The following IMMP2L variants were observed in gnomAD, a reference collection of about 807,000 sequenced individuals.
IMMP2L encodes inner mitochondrial membrane peptidase subunit 2, also known as mitochondrial inner membrane protease subunit 2.
IMMP2L carries 18 observed loss-of-function variants against 19.3 expected under a neutral mutation model. The observed-to-expected ratio is 0.93, with a 90% CI of 0.64 to 1.38. The LOEUF is 1.38. IMMP2L is among the 40% of genes most tolerant of loss of function. The probability of loss-of-function intolerance (pLI) is 0.00; values close to 1 mark genes in which losing one functional copy is unlikely to be tolerated. For synonymous variants in IMMP2L, 76 were observed against 73.0 expected (o/e 1.04, Z -0.21); for missense variants, 233 against 218.2 (o/e 1.07, Z -0.43).
At chr7:111,397,969 C>T (rs547606115) in intron 3 of IMMP2L, among the ~76,000 whole-genome samples, 88 of 152,122 alleles carry the variant, frequency 5.8e-4, no homozygotes, top group Middle Eastern at 3.4e-3. Flanking sequence ...TTTATACTTT[C>T]TTCTAAGTAT....
At chr7:111,107,893 C>A (rs1322634349) in intron 3 of IMMP2L, among the ~76,000 whole-genome samples, 1 of 152,084 alleles carries the variant, frequency 6.6e-6, no homozygotes. Context: ...GTAAATTTTA[C>A]TAGTTTCATG....
intron 4 of IMMP2L, among the ~76,000 whole-genome samples, chr7:110,919,746 G>A (rs369725163): frequency 6.6e-6 from 1 of 152,102 alleles, no homozygotes; most frequent in African/African-American, 2.4e-5. Flanking sequence ...CATAAACTGT[G>A]ATGATTGCAT....
At chr7:111,366,926 A>C (rs1012173589) in intron 3 of IMMP2L, among the ~76,000 whole-genome samples, 3 of 151,978 alleles carry the variant, frequency 2.0e-5, no homozygotes, top group African/African-American at 7.2e-5. Context: ...AACACTTGCT[A>C]AGTCCTAGCT....
At chr7:110,882,357 C>A (rs61479355) in intron 5 of IMMP2L, among the ~76,000 whole-genome samples, 1 of 134,728 alleles carries the variant, frequency 7.4e-6, no homozygotes, top group Non-Finnish European at 1.5e-5. Context: ...TCCTCTCTCC[C>A]TCTCTCTCTC....
intron 5 of IMMP2L, among the ~76,000 whole-genome samples, chr7:110,786,496 T>C (rs999212089): frequency 2.0e-5 from 3 of 151,994 alleles, no homozygotes; most frequent in African/African-American, 7.2e-5. Flanking sequence ...GAAACAAGAC[T>C]GTTTTAGGGG....
intron 3 of IMMP2L, among the ~76,000 whole-genome samples, chr7:111,199,268 G>A (rs112188375): frequency 3.3e-5 from 5 of 152,118 alleles, no homozygotes; most frequent in African/African-American, 9.6e-5. Context: ...TTAAGTATGC[G>A]AGTATTTCTA....
intron 3 of IMMP2L, among the ~76,000 whole-genome samples, chr7:111,214,196 A>G (rs955678302): frequency 5.3e-5 from 8 of 152,038 alleles, no homozygotes; most frequent in African/African-American, 1.9e-4. Flanking sequence ...ACTCAAAACA[A>G]ATTTCATGTT....
At chr7:111,010,925 G>A (rs192234157) in intron 3 of IMMP2L, among the ~76,000 whole-genome samples, 2 of 144,346 alleles carry the variant, frequency 1.4e-5, no homozygotes, top group African/African-American at 5.0e-5. Context: ...GCTTAATGAG[G>A]CCATCAGAGC....
intron 1 of IMMP2L, among the ~76,000 whole-genome samples, chr7:111,548,272 A>G (rs1849124033): frequency 6.6e-6 from 1 of 152,118 alleles, no homozygotes. Context: ...GTTTGACTGC[A>G]TGCTTCTCTA....
At chr7:111,056,578 A>G (rs1793529314) in intron 3 of IMMP2L, among the ~76,000 whole-genome samples, 1 of 152,344 alleles carries the variant, frequency 6.6e-6, no homozygotes, top group South Asian at 2.1e-4. Flanking sequence ...CTGACTCTGC[A>G]CTATCAGAAA....
intron 3 of IMMP2L, among the ~76,000 whole-genome samples, chr7:111,440,087 C>T (rs1246143180): frequency 6.6e-6 from 1 of 151,894 alleles, no homozygotes; most frequent in East Asian, 1.9e-4. Flanking sequence ...ACTGTTTCCA[C>T]CACATCTGCA....
At chr7:111,061,785 T>G (rs1039094596) in intron 3 of IMMP2L, among the ~76,000 whole-genome samples, 1 of 152,228 alleles carries the variant, frequency 6.6e-6, no homozygotes, top group Non-Finnish European at 1.5e-5. Context: ...ACTCAATGAT[T>G]TCATTGATTT....
intron 4 of IMMP2L, among the ~76,000 whole-genome samples, chr7:110,889,337 T>C (rs1810548037): frequency 2.6e-5 from 4 of 152,134 alleles, no homozygotes; most frequent in Admixed American, 6.5e-5. Flanking sequence ...CTGAGCTTGT[T>C]TTCCTGTAAC....
chr7:111,516,260 G>C (rs143300635), intron 2 of IMMP2L, among the ~76,000 whole-genome samples: 3 of 152,004 alleles, frequency 2.0e-5, no homozygotes, highest in African/African-American at 7.2e-5. Flanking sequence ...AGAGTATCAA[G>C]AATTAAAGGG....
chr7:111,117,011 A>G (rs1442718039), intron 3 of IMMP2L, among the ~76,000 whole-genome samples: 1 of 152,168 alleles, frequency 6.6e-6, no homozygotes, highest in Non-Finnish European at 1.5e-5. Flanking sequence ...CCTTAATTTA[A>G]TGATTAAAGT....
chr7:111,545,029 T>A (rs1022651423), intron 1 of IMMP2L, among the ~76,000 whole-genome samples: 3 of 152,004 alleles, frequency 2.0e-5, no homozygotes, highest in Non-Finnish European at 4.4e-5. Flanking sequence ...ACAAAATATC[T>A]GCATCCAGAA....
intron 3 of IMMP2L, among the ~76,000 whole-genome samples, chr7:111,443,153 A>G (rs1837914700): frequency 6.6e-6 from 1 of 151,912 alleles, no homozygotes; most frequent in Admixed American, 6.6e-5. Flanking sequence ...TTTTAAGGTT[A>G]TCTCATTCAA....
At chr7:111,161,970 T>C (rs532253147) in intron 3 of IMMP2L, among the ~76,000 whole-genome samples, 1 of 152,112 alleles carries the variant, frequency 6.6e-6, no homozygotes, top group Non-Finnish European at 1.5e-5. Context: ...ATTCTGATGC[T>C]GAACTCCGTA....
chr7:111,029,629 T>G (rs1397087964), intron 3 of IMMP2L, among the ~76,000 whole-genome samples: 2 of 152,188 alleles, frequency 1.3e-5, no homozygotes, highest in Non-Finnish European at 2.9e-5. Context: ...GTCAAATGTC[T>G]TCTGGCTTTT....
Sources: allele counts gnomAD v4.1 joint callset (sites outside exome capture counted in the v4.1 genomes callset), GRCh38; gene constraint gnomAD v4.1.1; transcripts MANE v1.5; gene names NCBI Gene and HGNC (gene_info 2026-07-23, HGNC 2026-07-21).